The following CRADD variants were observed in gnomAD, a reference collection of about 807,000 sequenced individuals.
CRADD encodes death domain-containing protein CRADD.
Under a neutral mutation model 15.5 loss-of-function variants are expected in CRADD, and 9 were observed. The observed-to-expected ratio is 0.58, with a 90% CI of 0.35 to 1.01. CRADD has a LOEUF of 1.01. Ranked by LOEUF, CRADD falls within the 50% of genes least tolerant of loss-of-function variation. CRADD has a pLI of 0.02. For missense variants in CRADD, 227 were observed against 250.3 expected (o/e 0.91, Z 0.63); for synonymous variants, 118 against 107.6 (o/e 1.10, Z -0.60).
chr12:93,707,814 T>C (rs1409084145), intron 2 of CRADD: 1 of 152,188 alleles, frequency 6.6e-6, no homozygotes, highest in Non-Finnish European at 1.5e-5. Context: ...TAGCAATTTA[T>C]TACTCTCCTG....
chr12:93,810,393 A>C (rs575675782), intron 2 of CRADD, among the ~76,000 whole-genome samples: 1 of 151,914 alleles, frequency 6.6e-6, no homozygotes, highest in South Asian at 2.1e-4. Context: ...TACTAAAAAT[A>C]TAAAAAAATT....
At chr12:93,797,174 G>C (rs549271125) in intron 2 of CRADD, among the ~76,000 whole-genome samples, 1 of 152,314 alleles carries the variant, frequency 6.6e-6, no homozygotes, top group African/African-American at 2.4e-5. Context: ...GAGCTGCTTT[G>C]TGTAAGCCAA....
At chr12:93,888,252 C>T (rs868788110) in intron 2 of CRADD, among the ~76,000 whole-genome samples, 4 of 151,936 alleles carry the variant, frequency 2.6e-5, no homozygotes, top group Non-Finnish European at 4.4e-5. Flanking sequence ...GGTGAAACCC[C>T]GTCTCTACTA....
chr12:93,774,394 A>G (rs1272786900), intron 2 of CRADD, among the ~76,000 whole-genome samples: 2 of 152,118 alleles, frequency 1.3e-5, no homozygotes, highest in Non-Finnish European at 2.9e-5. Flanking sequence ...GGGCTTGAGG[A>G]ATTTAGTGGC....
chr12:93,753,319 T>C (rs1448556771), intron 2 of CRADD, among the ~76,000 whole-genome samples: 1 of 152,184 alleles, frequency 6.6e-6, no homozygotes, highest in Non-Finnish European at 1.5e-5. Context: ...GGAGCTAAAA[T>C]TCAAGATGAG....
At chr12:93,878,494 G>T (rs1958472614) in intron 2 of CRADD, among the ~76,000 whole-genome samples, 1 of 152,148 alleles carries the variant, frequency 6.6e-6, no homozygotes, top group African/African-American at 2.4e-5. Context: ...GCCCCAACTG[G>T]TGTCTCAGTA....
chr12:93,684,267 A>G (rs1040653276), intron 2 of CRADD, among the ~76,000 whole-genome samples: 1 of 152,110 alleles, frequency 6.6e-6, no homozygotes. Context: ...TTTTCAACCA[A>G]CGGGAGAGTT....
At chr12:93,807,981 C>CAAAAA (rs368104878) in intron 2 of CRADD, among the ~76,000 whole-genome samples, 4,375 of 67,436 alleles carry the variant, frequency 0.065, 623 homozygotes, top group East Asian at 0.096. Context: ...AAGTGTTATG[C>CAAAAA]AAAAAAAAAA....
rs577520556 is a variant in CRADD at position 93,693,386 on chromosome 12, T to C, written c.298+14314T>C. ...TTAAGAACACATATAGAGTGAAAAT[T>C]AACGGGTAGAAAAATATTTTCCATG... On this transcript the variant is annotated intron_variant, in intron 2 of 2. Transcript: ENST00000332896. Among the ~76,000 whole-genome samples the C allele has an allele frequency of 9.2e-5, 14 of 152,058 alleles. No homozygotes were observed. The South Asian group carries it at 2.7e-3, about 29-fold the overall frequency.
At chr12:93,882,507 T>A (rs1161490745) in intron 2 of CRADD, among the ~76,000 whole-genome samples, 7 of 151,800 alleles carry the variant, frequency 4.6e-5, no homozygotes, top group African/African-American at 1.7e-4. Flanking sequence ...CGTGTGTGTG[T>A]GTCTTAAACA....
intron 2 of CRADD, among the ~76,000 whole-genome samples, chr12:93,679,539 C>T (rs572955695): frequency 2.0e-5 from 3 of 152,102 alleles, no homozygotes; most frequent in East Asian, 1.9e-4. Context: ...AGGGACATGA[C>T]GTTGGAGGAA....
chr12:93,680,946 G>A (rs575416949), intron 2 of CRADD, among the ~76,000 whole-genome samples: 40 of 151,778 alleles, frequency 2.6e-4, no homozygotes, highest in African/African-American at 9.4e-4. Flanking sequence ...GTGCAATGGC[G>A]CGATCTCGGC....
chr12:93,749,816 T>C (rs1956810145), intron 2 of CRADD, among the ~76,000 whole-genome samples: 1 of 152,236 alleles, frequency 6.6e-6, no homozygotes, highest in Non-Finnish European at 1.5e-5. Flanking sequence ...TTCAGATTTG[T>C]GATAGACTCT....
chr12:93,866,239 A>C (rs1040899427), intron 2 of CRADD, among the ~76,000 whole-genome samples: 1 of 151,910 alleles, frequency 6.6e-6, no homozygotes, highest in African/African-American at 2.4e-5. Context: ...TTTTCTTTTT[A>C]TCTCTTTCTA....
intron 2 of CRADD, among the ~76,000 whole-genome samples, chr12:93,698,823 T>A (rs962202800): frequency 2.0e-5 from 3 of 152,208 alleles, no homozygotes; most frequent in Non-Finnish European, 4.4e-5. Flanking sequence ...TCACATGAAA[T>A]GCAAATTTCA....
intron 2 of CRADD, among the ~76,000 whole-genome samples, chr12:93,780,241 A>G (rs539380736): frequency 6.9e-4 from 105 of 152,370 alleles, no homozygotes; most frequent in African/African-American, 2.5e-3. Context: ...TGGAATGTGT[A>G]ACATAAACAT....
At chr12:93,762,249 C>T (rs761535594) in intron 2 of CRADD, among the ~76,000 whole-genome samples, 3 of 152,150 alleles carry the variant, frequency 2.0e-5, no homozygotes, top group Non-Finnish European at 2.9e-5. Context: ...TTACATCAGG[C>T]AAGTGATTTG....
chr12:93,798,234 G>A (rs141526213), intron 2 of CRADD, among the ~76,000 whole-genome samples: 41 of 152,240 alleles, frequency 2.7e-4, no homozygotes, highest in African/African-American at 8.7e-4. Context: ...AGGAAACTGT[G>A]TTTTGTCTGT....
At chr12:93,770,349 G>A (rs1274151180) in intron 2 of CRADD, among the ~76,000 whole-genome samples, 1 of 151,772 alleles carries the variant, frequency 6.6e-6, no homozygotes, top group Non-Finnish European at 1.5e-5. Context: ...CGCCCGCCTC[G>A]GCCTCCCAAA....
Sources: gnomAD v4.1 joint callset for allele counts (sites outside exome capture counted in the v4.1 genomes callset) on GRCh38, gnomAD v4.1.1 for gene constraint, MANE v1.5 for transcripts, NCBI Gene and HGNC (gene_info 2026-07-23, HGNC 2026-07-21) for gene names.